Variants in SUCLG2 observed in about 807,000 individuals in gnomAD.
The protein encoded by SUCLG2 is succinate--CoA ligase [GDP-forming] subunit beta, mitochondrial.
In SUCLG2, 42 loss-of-function variants were observed where a neutral mutation model predicts 47.9. That is an observed-to-expected ratio of 0.88 (90% confidence interval 0.69 to 1.14). The LOEUF is 1.14. Ranked by LOEUF, SUCLG2 falls within the 50% of genes most tolerant of loss-of-function variation. The pLI is 0.00. For missense variants in SUCLG2, 571 were observed against 525.9 expected (o/e 1.09, Z -0.84); for synonymous variants, 195 against 197.3 (o/e 0.99, Z 0.10).
chr3:67,387,202 T>G (rs1026224950), intron 10 of SUCLG2, among the ~76,000 whole-genome samples: 5 of 152,304 alleles, frequency 3.3e-5, no homozygotes, highest in East Asian at 1.9e-4. Context: ...GCAGCATAAT[T>G]GATCCCAATA....
chr3:67,390,140 A>G (rs968938169), intron 10 of SUCLG2, among the ~76,000 whole-genome samples: 1 of 152,244 alleles, frequency 6.6e-6, no homozygotes, highest in Non-Finnish European at 1.5e-5. Flanking sequence ...TCAGTGATCC[A>G]GATAACAGAC....
chr3:67,521,221 T>G (rs540923663), intron 4 of SUCLG2, among the ~76,000 whole-genome samples: 1 of 152,298 alleles, frequency 6.6e-6, no homozygotes, highest in South Asian at 2.1e-4. Context: ...GAAAGCAGCT[T>G]CCTGCTGCAC....
chr3:67,529,224 A>C, intron 2 of SUCLG2, 38 bp from the exon 3 acceptor site: 1 of 1,550,536 alleles, frequency 6.4e-7, no homozygotes, highest in South Asian at 1.2e-5. Flanking sequence ...GCTGATTTTA[A>C]ATTCTTTTTT....
At chr3:67,559,327 A>C (rs1707246085) in intron 2 of SUCLG2, among the ~76,000 whole-genome samples, 1 of 152,210 alleles carries the variant, frequency 6.6e-6, no homozygotes, top group Non-Finnish European at 1.5e-5. Flanking sequence ...TTATAAAGGA[A>C]AGAGGTTTAA....
At chr3:67,572,172 A>T (rs1707631457) in intron 2 of SUCLG2, among the ~76,000 whole-genome samples, 2 of 152,216 alleles carry the variant, frequency 1.3e-5, no homozygotes. Flanking sequence ...TCTGAGAACT[A>T]AAAAGGTTTA....
At chr3:67,451,877 G>C (rs1160963020) in intron 9 of SUCLG2, among the ~76,000 whole-genome samples, 1 of 152,122 alleles carries the variant, frequency 6.6e-6, no homozygotes, top group East Asian at 1.9e-4. Context: ...TGTAGTGTTT[G>C]CCAATTTCCA....
intron 9 of SUCLG2, among the ~76,000 whole-genome samples, chr3:67,421,894 T>A (rs900439811): frequency 6.6e-6 from 1 of 152,202 alleles, no homozygotes; most frequent in Non-Finnish European, 1.5e-5. Context: ...ATTGGCTTTT[T>A]AAAGTCTATT....
At chr3:67,547,463 A>G (rs568023827) in intron 2 of SUCLG2, among the ~76,000 whole-genome samples, 67 of 152,288 alleles carry the variant, frequency 4.4e-4, no homozygotes, top group Admixed American at 3.2e-3. Flanking sequence ...GAATTACCTG[A>G]AATACTCTCC....
Position 67,608,675 on chromosome 3 carries a change from ATT to A in SUCLG2, c.226+778_226+779del, listed in dbSNP as rs5849769. 1.8e-3 allele frequency among the ~76,000 whole-genome samples: 257 copies of A among 145,822 alleles called. 1 individual carries two copies. Among genetic ancestry groups the A allele is most frequent in the African/African-American group, 2.1e-3 (84 of 39,694 alleles). ...GAAAGGGAAGTTGTTTGTTGTTCTA[ATT>A]TTTTTTTTTTTTTTAAGAGAGAGAA... is the stretch of plus-strand genomic sequence containing the variant. On this transcript the variant is annotated intron_variant, in intron 2 of 10. Coordinates refer to ENST00000307227, the MANE Select transcript of SUCLG2 (RefSeq NM_003848.4).
intron 7 of SUCLG2, among the ~76,000 whole-genome samples, chr3:67,505,588 A>T (rs972307437): frequency 5.9e-5 from 9 of 152,212 alleles, no homozygotes; most frequent in African/African-American, 2.2e-4. Context: ...CACTTGTTGT[A>T]CAAATATATG....
At chr3:67,491,616 C>T (rs185563579) in intron 9 of SUCLG2, among the ~76,000 whole-genome samples, 42 of 152,170 alleles carry the variant, frequency 2.8e-4, no homozygotes, top group African/African-American at 8.9e-4. Flanking sequence ...CTTCGGCCTC[C>T]CAAAGTGCTG....
chr3:67,393,590 G>A (rs574518090), intron 10 of SUCLG2, among the ~76,000 whole-genome samples: 3 of 152,352 alleles, frequency 2.0e-5, no homozygotes, highest in East Asian at 3.9e-4. Flanking sequence ...ACCTTTGGGG[G>A]CAGGGCACAG....
At chr3:67,411,335 G>A (rs1417407740) in intron 9 of SUCLG2, among the ~76,000 whole-genome samples, 1 of 152,006 alleles carries the variant, frequency 6.6e-6, no homozygotes, top group African/African-American at 2.4e-5. Context: ...AAAACCCACT[G>A]TTTCTGTAAA....
intron 9 of SUCLG2, among the ~76,000 whole-genome samples, chr3:67,453,352 G>A (rs1704103086): frequency 6.6e-6 from 1 of 152,012 alleles, no homozygotes; most frequent in Non-Finnish European, 1.5e-5. Flanking sequence ...TCACAATCCA[G>A]GCACCAACAG....
rs550766893 is a variant in SUCLG2, at chr3:67,447,352, A to AT, written c.1063-46502dup. 3.5e-4 allele frequency among the ~76,000 whole-genome samples: 54 copies of AT among 152,320 alleles called. No homozygotes were observed. The East Asian group carries it at 9.8e-3, about 28-fold the overall frequency. ...TGACTGTTTAAATATAGAAAATATG[A>AT]TTTTATAAGTGTAGGAATGAGTTTT... On this transcript the variant is annotated intron_variant, in intron 9 of 10. Transcript: ENST00000307227.
At chr3:67,612,358 C>CA (rs1700542809) in intron 1 of SUCLG2, among the ~76,000 whole-genome samples, 15 of 87,048 alleles carry the variant, frequency 1.7e-4, no homozygotes, top group African/African-American at 6.1e-4. Context: ...GACTCAGTCT[C>CA]AAAAAACAAA....
In SUCLG2 at chr3:67,433,445, G is replaced by T. The variant is rs1575692170; in HGVS notation, c.1063-32594C>A. On this transcript the variant is annotated intron_variant, in intron 9 of 10. Transcript: ENST00000307227. ...GATGTGAGCCGTGATGCCCACTGAG[G>T]ATAAAGATAGGAAGGTGCGCACGGT... Among the ~76,000 whole-genome samples the T allele has an allele frequency of 1.3e-5, 2 of 152,154 alleles. 1 individual carries two copies. Among genetic ancestry groups the T allele is most frequent in the South Asian group, 4.1e-4 (2 of 4,822 alleles).
intron 4 of SUCLG2, among the ~76,000 whole-genome samples, chr3:67,524,588 G>A (rs1706205131): frequency 6.6e-6 from 1 of 152,170 alleles, no homozygotes; most frequent in African/African-American, 2.4e-5. Context: ...GTATAAATGT[G>A]TGTATGTGTT....
chr3:67,366,908 T>C (rs1701883889), intron 10 of SUCLG2, among the ~76,000 whole-genome samples: 1 of 152,190 alleles, frequency 6.6e-6, no homozygotes, highest in Non-Finnish European at 1.5e-5. Context: ...CACCTCAATA[T>C]AGATCAACAT....
Sources: allele counts gnomAD v4.1 joint callset (sites outside exome capture counted in the v4.1 genomes callset), GRCh38; gene constraint gnomAD v4.1.1; transcripts MANE v1.5; gene names NCBI Gene and HGNC (gene_info 2026-07-23, HGNC 2026-07-21).